Variants in CSNK1G2 observed in about 807,000 individuals in gnomAD.
The protein encoded by CSNK1G2 is casein kinase 1 gamma 2.
A neutral mutation model predicts 48.0 loss-of-function variants in CSNK1G2; 11 were observed. The ratio of observed to expected loss-of-function variants is 0.23; its 90% CI spans 0.14 to 0.38. CSNK1G2 has a LOEUF of 0.38. CSNK1G2 is among the 10% of genes least tolerant of loss of function. The probability of loss-of-function intolerance (pLI) is 1.00; values close to 1 mark genes in which losing one functional copy is unlikely to be tolerated. For missense variants in CSNK1G2, 446 were observed against 595.5 expected, an observed-to-expected ratio of 0.75 and a Z score of 2.61; for synonymous variants, 337 against 254.1, an observed-to-expected ratio of 1.33 and a Z score of -3.10.
At chr19:1,977,885 A>T (rs938856501) in intron 2 of CSNK1G2, among the ~76,000 whole-genome samples, 2 of 151,920 alleles carry the variant, frequency 1.3e-5, no homozygotes, top group African/African-American at 2.4e-5. Flanking sequence ...CATGTGGGCC[A>T]CAGGTCCCTG....
chr19:1,965,913 C>A (rs985715410), intron 1 of CSNK1G2, among the ~76,000 whole-genome samples: 10 of 152,208 alleles, frequency 6.6e-5, no homozygotes, highest in Admixed American at 6.5e-4. Context: ...CCTCTCACCT[C>A]AGTCTCCTAA....
intron 1 of CSNK1G2, among the ~76,000 whole-genome samples, chr19:1,966,192 G>A (rs371465688): frequency 1.3e-5 from 2 of 152,214 alleles, no homozygotes; most frequent in East Asian, 3.8e-4. Context: ...GGGAAATTGG[G>A]TAAATTGAAA....
intron 1 of CSNK1G2, among the ~76,000 whole-genome samples, chr19:1,960,640 C>G (rs1469671806): frequency 6.6e-6 from 1 of 152,202 alleles, no homozygotes; most frequent in African/African-American, 2.4e-5. Context: ...ATAATCCCAG[C>G]ACTTTGGGAG....
At chr19:1,954,337 T>G (rs1452160801) in intron 1 of CSNK1G2, 2 of 201,616 alleles carry the variant, frequency 9.9e-6, no homozygotes, top group East Asian at 2.4e-4. Flanking sequence ...CAACCCCTCA[T>G]TTTCTTTCCT....
chr19:1,971,477 G>T (rs566512543), intron 2 of CSNK1G2, among the ~76,000 whole-genome samples: 1 of 152,244 alleles, frequency 6.6e-6, no homozygotes, highest in Non-Finnish European at 1.5e-5. Flanking sequence ...GTGTGTGCAC[G>T]CTCAGACACA....
At chr19:1,963,005 T>G (rs780740365) in intron 1 of CSNK1G2, among the ~76,000 whole-genome samples, 2 of 151,918 alleles carry the variant, frequency 1.3e-5, no homozygotes, top group East Asian at 1.9e-4. Flanking sequence ...AGGAAGAAGC[T>G]CTGACTCAGG....
chr19:1,942,645 A>C (rs1275267396), intron 1 of CSNK1G2: 1 of 149,648 alleles, frequency 6.7e-6, no homozygotes, highest in Non-Finnish European at 1.5e-5. Flanking sequence ...GGAAAAACCC[A>C]GCCGTCCCGC....
chr19:1,956,360 G>C (rs1434091430), intron 1 of CSNK1G2, among the ~76,000 whole-genome samples: 2 of 152,214 alleles, frequency 1.3e-5, no homozygotes, highest in Non-Finnish European at 2.9e-5. Flanking sequence ...GCATGTAGCT[G>C]AGCCAAGATC....
intron 1 of CSNK1G2, among the ~76,000 whole-genome samples, chr19:1,943,660 C>T (rs907476969): frequency 2.6e-5 from 4 of 152,074 alleles, no homozygotes; most frequent in Non-Finnish European, 5.9e-5. Context: ...GGGGTTACCG[C>T]GCGCCCGAGT....
At chr19:1,941,863 C>G (rs1599271865) in intron 1 of CSNK1G2, among the ~76,000 whole-genome samples, 1 of 150,888 alleles carries the variant, frequency 6.6e-6, no homozygotes, top group East Asian at 2.0e-4. Flanking sequence ...CCCCACCTCC[C>G]GCCTTCTTCC....
At chr19:1,956,855 C>T (rs988348412) in intron 1 of CSNK1G2, among the ~76,000 whole-genome samples, 2 of 152,194 alleles carry the variant, frequency 1.3e-5, no homozygotes, top group Non-Finnish European at 2.9e-5. Flanking sequence ...AGGCTCGTTC[C>T]GGAATTTAGG....
intron 1 of CSNK1G2, among the ~76,000 whole-genome samples, chr19:1,964,670 C>T (rs1323844047): frequency 6.6e-6 from 1 of 152,012 alleles, no homozygotes; most frequent in African/African-American, 2.4e-5. Context: ...TAACACCTGG[C>T]TTATGGAATA....
chr19:1,944,977 C>T (rs2014501298), intron 1 of CSNK1G2, among the ~76,000 whole-genome samples: 2 of 152,236 alleles, frequency 1.3e-5, no homozygotes, highest in South Asian at 2.1e-4. Flanking sequence ...AACTTGTCAC[C>T]AGCAAGGGCA....
Position 1,950,562 on chromosome 19 carries a change from G to C in CSNK1G2, c.-266+9144G>C, listed in dbSNP as rs957610362. Among the ~76,000 whole-genome samples the C allele has an allele frequency of 4.8e-5, 7 of 146,840 alleles. No homozygotes were observed. The East Asian group carries it at 1.0e-3, about 22-fold the overall frequency. On this transcript the variant is annotated intron_variant, in intron 1 of 11. Transcript: ENST00000255641. ...AGATTCCAGGAGATGAGCACCGTCCGCTTTCCAGAGAAAATTGTCTGAGGC... is the reference window on the plus strand; with the variant it reads ...AGATTCCAGGAGATGAGCACCGTCCCCTTTCCAGAGAAAATTGTCTGAGGC...
chr19:1,980,117 G>T, intron 11 of CSNK1G2, 32 bp from the exon 12 acceptor site: 1 of 1,612,102 alleles, frequency 6.2e-7, no homozygotes, highest in Non-Finnish European at 8.5e-7. Flanking sequence ...CCTGCACCCC[G>T]GTCCTCCTAC....
At chr19:1,970,334 C>G (rs1320706523) in intron 2 of CSNK1G2, among the ~76,000 whole-genome samples, 1 of 152,268 alleles carries the variant, frequency 6.6e-6, no homozygotes, top group Non-Finnish European at 1.5e-5. Flanking sequence ...CGGCACTCAG[C>G]TCGTGGGAGG....
chr19:1,964,154 A>G (rs1380136952), intron 1 of CSNK1G2, among the ~76,000 whole-genome samples: 1 of 151,384 alleles, frequency 6.6e-6, no homozygotes, highest in East Asian at 2.0e-4. Flanking sequence ...TTAGCTGGGC[A>G]TGGTGATGTG....
intron 1 of CSNK1G2, chr19:1,953,863 A>G (rs553575279): frequency 5.6e-6 from 3 of 533,210 alleles, no homozygotes; most frequent in African/African-American, 1.9e-5. Context: ...GCCTTTGCTG[A>G]TGGCGACCTG....
intron 1 of CSNK1G2, among the ~76,000 whole-genome samples, chr19:1,966,744 C>T (rs1379246426): frequency 1.3e-5 from 2 of 152,156 alleles, no homozygotes; most frequent in South Asian, 2.1e-4. Context: ...GTTGCCCCAG[C>T]CTCCAGCAGC....
Sources: allele counts gnomAD v4.1 joint callset (sites outside exome capture counted in the v4.1 genomes callset), GRCh38; gene constraint gnomAD v4.1.1; transcripts MANE v1.5; gene names NCBI Gene and HGNC (gene_info 2026-07-23, HGNC 2026-07-21).